Variants in RNF217 observed in about 807,000 individuals in gnomAD.
The protein encoded by RNF217 is ring finger protein 217, also known as E3 ubiquitin-protein ligase RNF217.
RNF217 carries 31 observed loss-of-function variants against 57.8 expected under a neutral mutation model. The ratio of observed to expected loss-of-function variants is 0.54; its 90% CI spans 0.40 to 0.72. The LOEUF (loss-of-function observed/expected upper bound fraction) is 0.72. Ranked by LOEUF, RNF217 falls within the 30% of genes least tolerant of loss-of-function variation. The probability of loss-of-function intolerance (pLI) is 0.00; values close to 1 mark genes in which losing one functional copy is unlikely to be tolerated. For synonymous variants in RNF217, 313 were observed against 294.0 expected, an observed-to-expected ratio of 1.06 and a Z score of -0.66; for missense variants, 696 against 708.3, an observed-to-expected ratio of 0.98 and a Z score of 0.20.
intron 1 of RNF217, among the ~76,000 whole-genome samples, chr6:125,019,984 G>T (rs1327913973): frequency 2.6e-5 from 4 of 152,162 alleles, no homozygotes; most frequent in Non-Finnish European, 5.9e-5. Flanking sequence ...GGGACTCCAG[G>T]TGCTGTGAAG....
intron 1 of RNF217, among the ~76,000 whole-genome samples, chr6:125,010,988 C>T (rs1283978269): frequency 6.6e-6 from 1 of 152,150 alleles, no homozygotes; most frequent in Non-Finnish European, 1.5e-5. Flanking sequence ...ACACACTAAG[C>T]CACTAGCATG....
At position 125,028,413 on chromosome 6, in the gene RNF217, G is replaced by T. The variant is rs776993024; in HGVS notation, c.883-16798G>T. Among the ~76,000 whole-genome samples the T allele has an allele frequency of 6.9e-4, 104 of 151,816 alleles. 2 individuals carry two copies. Among genetic ancestry groups the T allele is most frequent in the Admixed American group, 2.6e-3 (39 of 15,242 alleles). On this transcript the variant is annotated intron_variant, in intron 1 of 5. Coordinates refer to ENST00000521654, the MANE Select transcript of RNF217 (RefSeq NM_001286398.3). ...AAATCTTTTGCCCATTTTTTATTAG[G>T]CTATTATATATTTCTTTTGGAACTA...
chr6:125,016,322 A>C (rs1785600551), intron 1 of RNF217, among the ~76,000 whole-genome samples: 1 of 152,178 alleles, frequency 6.6e-6, no homozygotes, highest in African/African-American at 2.4e-5. Context: ...AGAAGAGAAA[A>C]ACATCAGAAG....
chr6:125,046,609 A>T (rs1014772795), intron 2 of RNF217: 2 of 455,824 alleles, frequency 4.4e-6, no homozygotes, highest in Admixed American at 4.7e-5. Flanking sequence ...CATTACAGCA[A>T]AATGGCAGGA....
chr6:124,998,837 G>A (rs9491274), intron 1 of RNF217, among the ~76,000 whole-genome samples: 38,136 of 152,012 alleles, frequency 0.25, 5,108 homozygotes, highest in African/African-American at 0.34. Flanking sequence ...GTCAACATAA[G>A]ATTATAAGCA....
chr6:125,067,008 G>A (rs1454145218), intron 3 of RNF217, among the ~76,000 whole-genome samples: 2 of 152,060 alleles, frequency 1.3e-5, no homozygotes, highest in African/African-American at 4.8e-5. Context: ...AGTATTATAC[G>A]AGGGTTCATG....
chr6:125,082,478 A>ATAAG (rs760702909), intron 5 of RNF217: 92 of 1,612,184 alleles, frequency 5.7e-5, no homozygotes, highest in Non-Finnish European at 7.4e-5. Flanking sequence ...CTGGAACCTC[A>ATAAG]TAAGTGGTAG....
At chr6:125,079,427 G>T (rs966291314) in intron 4 of RNF217, among the ~76,000 whole-genome samples, 2 of 143,836 alleles carry the variant, frequency 1.4e-5, no homozygotes, top group African/African-American at 2.6e-5. Flanking sequence ...CTCCAAAAAT[G>T]AATACTCAAT....
intron 3 of RNF217, among the ~76,000 whole-genome samples, chr6:125,069,402 A>G (rs905198882): frequency 2.6e-5 from 4 of 152,100 alleles, no homozygotes; most frequent in African/African-American, 7.2e-5. Flanking sequence ...GATATTTTCT[A>G]TTGACTCCCT....
rs1248822148 is a variant in RNF217 at position 125,087,088 on chromosome 6, C to G, written c.*4151C>G. ...GACAGGAGGGGCCTAAAAACTCACT[C>G]TGGTATGTGGGAAACATTAGAATTC... On this transcript the variant is annotated 3_prime_UTR_variant, in exon 6 of 6. Transcript: ENST00000521654. 6.6e-6 allele frequency: 1 copy of G among 152,118 alleles called. No individual in the cohort carries two copies. Among genetic ancestry groups the G allele is most frequent in the Non-Finnish European group, 1.5e-5 (1 of 68,018 alleles). The allele number at this position is 152,118 out of a possible 1,614,324, so 9.4% of individuals were successfully genotyped here.
chr6:125,032,916 G>C (rs1214805388), intron 1 of RNF217, among the ~76,000 whole-genome samples: 1 of 152,116 alleles, frequency 6.6e-6, no homozygotes, highest in African/African-American at 2.4e-5. Flanking sequence ...TATTTTAACT[G>C]TAATATTAAA....
At chr6:124,992,065 G>T (rs1470096093) in intron 1 of RNF217, among the ~76,000 whole-genome samples, 1 of 152,068 alleles carries the variant, frequency 6.6e-6, no homozygotes, top group Non-Finnish European at 1.5e-5. Flanking sequence ...TGTTAACATT[G>T]CAAATTCTGA....
intron 1 of RNF217, among the ~76,000 whole-genome samples, chr6:124,970,630 C>T (rs1224564780): frequency 6.6e-6 from 1 of 152,106 alleles, no homozygotes; most frequent in East Asian, 1.9e-4. Flanking sequence ...TAAATTTGAA[C>T]GTGGATGGCA....
chr6:125,016,880 A>G (rs1032211890), intron 1 of RNF217, among the ~76,000 whole-genome samples: 3 of 152,170 alleles, frequency 2.0e-5, no homozygotes, highest in African/African-American at 2.4e-5. Flanking sequence ...GCGTATACCT[A>G]TCCAACAATC....
At chr6:125,004,057 G>A (rs929394145) in intron 1 of RNF217, among the ~76,000 whole-genome samples, 1 of 40,500 alleles carries the variant, frequency 2.5e-5, no homozygotes, top group Admixed American at 5.0e-4. Flanking sequence ...TTAAATGAGG[G>A]GTTACAGTTT....
At chr6:125,076,208 G>A (rs566240108) in intron 3 of RNF217, among the ~76,000 whole-genome samples, 10 of 152,106 alleles carry the variant, frequency 6.6e-5, no homozygotes, top group African/African-American at 2.4e-4. Flanking sequence ...CTGCTTTTTG[G>A]TATTTATTCA....
rs958368004 is a variant in RNF217 at position 124,962,499 on chromosome 6, G to A, written c.-46G>A. The A allele has an allele frequency of 4.0e-6, 4 of 1,010,056 alleles. No individual in the cohort carries two copies. Among genetic ancestry groups the A allele is most frequent in the Non-Finnish European group, 4.9e-6 (4 of 812,156 alleles). 62.6% of individuals were successfully genotyped at this position (1,010,056 alleles called of 1,614,324 possible). On this transcript the variant is annotated 5_prime_UTR_variant, in exon 1 of 6. Transcript: ENST00000521654. This position sits in a 1 kb window ranked among gnomAD's most constrained non-coding sequence, Gnocchi z 4.6. Reference sequence around the variant, plus strand: ...CGCTGCCCGCGGGCGCCGGGTGGGGGTCCCGGCGGCTGGATGGGCAGCGGC... The same window carrying A: ...CGCTGCCCGCGGGCGCCGGGTGGGGATCCCGGCGGCTGGATGGGCAGCGGC...
At chr6:125,068,595 T>C (rs1388499019) in intron 3 of RNF217, among the ~76,000 whole-genome samples, 3 of 152,194 alleles carry the variant, frequency 2.0e-5, no homozygotes, top group Admixed American at 2.0e-4. Context: ...AGTGAGAAAA[T>C]ATTTTTTCAT....
At chr6:124,978,057 CT>C (rs1316846654) in intron 1 of RNF217, among the ~76,000 whole-genome samples, 1 of 152,066 alleles carries the variant, frequency 6.6e-6, no homozygotes, top group Non-Finnish European at 1.5e-5. Context: ...AAAATATTTG[CT>C]TAGCACCATG....
Sources: gnomAD v4.1 joint callset for allele counts (sites outside exome capture counted in the v4.1 genomes callset) on GRCh38, gnomAD v4.1.1 for gene constraint, Gnocchi (gnomAD v3.1) non-coding constraint, MANE v1.5 for transcripts, NCBI Gene and HGNC (gene_info 2026-07-23, HGNC 2026-07-21) for gene names.